Variants in CASP6 observed in about 807,000 individuals in gnomAD.
CASP6 encodes caspase-6.
Under a neutral mutation model 31.8 loss-of-function variants are expected in CASP6, and 20 were observed. The observed-to-expected ratio is 0.63, with a 90% CI of 0.44 to 0.91. The LOEUF (loss-of-function observed/expected upper bound fraction) is 0.91. Among genes scored for constraint, CASP6 ranks in the 40% least tolerant of loss-of-function variants. The pLI is 0.00. For synonymous variants in CASP6, 130 were observed against 127.8 expected, an observed-to-expected ratio of 1.02 and a Z score of -0.12; for missense variants, 328 against 361.1, an observed-to-expected ratio of 0.91 and a Z score of 0.74.
chr4:109,673,072 T>C, the CASP6 span, among the ~76,000 whole-genome samples: 34 of 152,368 alleles, frequency 2.2e-4, no homozygotes, highest in East Asian at 6.0e-3. Flanking sequence ...GCTTCCATTC[T>C]GAATTCTCTT....
intron 5 of CASP6, chr4:109,692,379 CA>C (rs1270061700): frequency 1.3e-5 from 2 of 152,206 alleles, no homozygotes; most frequent in Non-Finnish European, 2.9e-5. Flanking sequence ...ATTTTGCCCA[CA>C]CAACCACCCC....
At chr4:109,699,715 G>A (rs1343081389) in intron 1 of CASP6, among the ~76,000 whole-genome samples, 6 of 152,166 alleles carry the variant, frequency 3.9e-5, no homozygotes, top group African/African-American at 9.7e-5. Flanking sequence ...GGTCCTCCCC[G>A]CTGCATGGCA....
At chr4:109,702,168 T>TGGACCCTGCACTGTGCCTCCA (rs1730440198) in intron 1 of CASP6, among the ~76,000 whole-genome samples, 1 of 152,222 alleles carries the variant, frequency 6.6e-6, no homozygotes, top group Admixed American at 6.5e-5. Flanking sequence ...AGACTGCAAC[T>TGGACCCTGCACTGTGCCTCCA]GGACCCTGCA....
chr4:109,677,610 C>G, the CASP6 span, among the ~76,000 whole-genome samples: 1 of 152,046 alleles, frequency 6.6e-6, no homozygotes, highest in Non-Finnish European at 1.5e-5. Context: ...ATGTCGTTAT[C>G]ATGGGAGTGT....
At chr4:109,683,662 AT>A (rs1729766691), downstream of CASP6, among the ~76,000 whole-genome samples, 1 of 152,190 alleles carries the variant, frequency 6.6e-6, no homozygotes, top group Non-Finnish European at 1.5e-5. Context: ...TCAGTGTATT[AT>A]AGAAATCTCT....
the CASP6 span, among the ~76,000 whole-genome samples, chr4:109,672,161 G>A: frequency 1.3e-5 from 2 of 152,114 alleles, no homozygotes; most frequent in Admixed American, 1.3e-4. Context: ...TCTCCTGTGT[G>A]AGGCAGTAAG....
At chr4:109,686,223 C>T (rs1432511350), downstream of CASP6, among the ~76,000 whole-genome samples, 2 of 152,122 alleles carry the variant, frequency 1.3e-5, no homozygotes, top group African/African-American at 2.4e-5. Flanking sequence ...CTGCAACCTC[C>T]GCCTCCTGGG....
chr4:109,677,207 T>C, the CASP6 span, among the ~76,000 whole-genome samples: 2 of 152,254 alleles, frequency 1.3e-5, no homozygotes, highest in Non-Finnish European at 2.9e-5. Context: ...ACCTCTTTTT[T>C]CCTATTTCTC....
At chr4:109,681,942 G>T in the CASP6 span, among the ~76,000 whole-genome samples, 1 of 152,244 alleles carries the variant, frequency 6.6e-6, no homozygotes, top group Admixed American at 6.5e-5. Context: ...GACCCAAAGG[G>T]GGTTGCCATT....
Position 109,689,490 on chromosome 4 carries a change from G to A in CASP6, c.722C>T (p.Ser241Phe). 1.2e-6 allele frequency: 2 copies of A among 1,614,158 alleles called. No individual in the cohort carries two copies. Among genetic ancestry groups the A allele is most frequent in the Non-Finnish European group, 1.7e-6 (2 of 1,180,040 alleles). Residue 241 changes from serine to phenylalanine, a missense_variant, in exon 7 of 7, where the codon TCC becomes TTC. By Grantham distance (155) the Ser-to-Phe change is radical (BLOSUM62 -2). Transcript: ENST00000265164. ...DLCEMLGKYG[S>F]SLEFTELLTL... ...GAGGAGTTCTGTGAACTCTAAGGAG[G>A]AGCCATATTTTCCCAACATCTCACA...
chr4:109,706,028 AT>A (rs1305155359), upstream of CASP6, among the ~76,000 whole-genome samples: 52 of 108,394 alleles, frequency 4.8e-4, no homozygotes, highest in African/African-American at 1.6e-3. Context: ...ATATATATAT[AT>A]ATAATATATA....
chr4:109,699,245 T>C (rs1251806252), intron 1 of CASP6, among the ~76,000 whole-genome samples: 1 of 152,086 alleles, frequency 6.6e-6, no homozygotes, highest in Non-Finnish European at 1.5e-5. Flanking sequence ...TAAACTGAAA[T>C]ATTAGCAGTA....
chr4:109,680,892 C>T, the CASP6 span, among the ~76,000 whole-genome samples: 5 of 152,144 alleles, frequency 3.3e-5, no homozygotes, highest in African/African-American at 1.2e-4. Flanking sequence ...AATTACAGCT[C>T]TCAGAAGGGT....
chr4:109,681,646 A>G, the CASP6 span, among the ~76,000 whole-genome samples: 16 of 152,322 alleles, frequency 1.1e-4, no homozygotes, highest in African/African-American at 1.7e-4. Flanking sequence ...GTTCAGCTCA[A>G]TTAGGACAAA....
At chr4:109,679,889 C>A in the CASP6 span, among the ~76,000 whole-genome samples, 1 of 152,086 alleles carries the variant, frequency 6.6e-6, no homozygotes, top group Non-Finnish European at 1.5e-5. Flanking sequence ...GCAACCTCTG[C>A]CTTCTGGGTT....
At chr4:109,707,475 C>T (rs374851756), upstream of CASP6, among the ~76,000 whole-genome samples, 161 of 151,810 alleles carry the variant, frequency 1.1e-3, no homozygotes, top group Middle Eastern at 3.4e-3. Context: ...CAACCTCTGC[C>T]GCCCGGGTTC....
the CASP6 span, chr4:109,683,078 T>G: frequency 1.2e-5 from 2 of 163,526 alleles, no homozygotes; most frequent in African/African-American, 4.8e-5. Context: ...CAGCACTAGC[T>G]GGAGTCCTAC....
upstream of CASP6, among the ~76,000 whole-genome samples, chr4:109,706,662 G>T (rs762579215): frequency 6.6e-5 from 10 of 152,200 alleles, no homozygotes; most frequent in Non-Finnish European, 1.2e-4. Context: ...CAGGTGCAGT[G>T]GCTCATGCCT....
In CASP6 at chr4:109,696,406, C is replaced by T; in HGVS notation, c.307+4G>A. On this transcript the variant is annotated splice_donor_region_variant and intron_variant, in intron 4 of 6. Transcript: ENST00000265164. ...ATGAACTATATGATAGCAAAACTACCTACCCTCATGAATTTTGAGCAGTAG... is the reference window on the plus strand; with the variant it reads ...ATGAACTATATGATAGCAAAACTACTTACCCTCATGAATTTTGAGCAGTAG... 6.2e-7 allele frequency: 1 copy of T among 1,607,060 alleles called. No individual in the cohort carries two copies. The highest frequency in any genetic ancestry group is 1.1e-5 in the South Asian group (1 of 90,640).
Sources: gnomAD v4.1 joint callset for allele counts (sites outside exome capture counted in the v4.1 genomes callset) on GRCh38, gnomAD v4.1.1 for gene constraint, MANE v1.5 for transcripts, NCBI Gene and HGNC (gene_info 2026-07-23, HGNC 2026-07-21) for gene names.